Variants in LARGE1 observed in about 807,000 individuals in gnomAD.
LARGE1 encodes the protein LARGE xylosyl- and glucuronyltransferase 1, also known as xylosyl- and glucuronyltransferase LARGE1.
LARGE1 carries 43 observed loss-of-function variants against 87.6 expected under a neutral mutation model. The ratio of observed to expected loss-of-function variants is 0.49; its 90% CI spans 0.38 to 0.63. The LOEUF (loss-of-function observed/expected upper bound fraction) is 0.63, where lower values mean the gene tolerates loss of function less well. Among genes scored for constraint, LARGE1 ranks in the 30% least tolerant of loss-of-function variants. LARGE1 has a pLI of 0.00. For synonymous variants in LARGE1, 434 were observed against 394.6 expected (o/e 1.10, Z -1.18); for missense variants, 802 against 1,000.2 (o/e 0.80, Z 2.67).
At chr22:33,219,465 G>A (rs867880589) in intron 11 of LARGE1, among the ~76,000 whole-genome samples, 87 of 152,252 alleles carry the variant, frequency 5.7e-4, no homozygotes, top group African/African-American at 1.9e-3. Flanking sequence ...CCTGGTGTAC[G>A]CTAAATATTG....
intron 9 of LARGE1, 136 bp downstream of exon 9, chr22:33,381,783 G>A (rs139238817): frequency 7.7e-5 from 92 of 1,192,300 alleles, no homozygotes; most frequent in African/African-American, 6.9e-4. Context: ...AAGATGAAAA[G>A]CATACTCATT....
At chr22:33,217,447 T>C (rs1394753572) in intron 11 of LARGE1, among the ~76,000 whole-genome samples, 2 of 152,196 alleles carry the variant, frequency 1.3e-5, no homozygotes, top group African/African-American at 4.8e-5. Flanking sequence ...AGTTGAGCTA[T>C]GGCAGCACAG....
At chr22:33,681,645 T>C (rs540145826) in intron 2 of LARGE1, among the ~76,000 whole-genome samples, 6 of 152,298 alleles carry the variant, frequency 3.9e-5, no homozygotes, top group African/African-American at 1.4e-4. Context: ...CAATAATCAG[T>C]CTCCCACTCT....
chr22:33,525,762 CT>C (rs1238935395), intron 6 of LARGE1, among the ~76,000 whole-genome samples: 2 of 152,166 alleles, frequency 1.3e-5, no homozygotes, highest in Non-Finnish European at 2.9e-5. Flanking sequence ...TTTCACCTGT[CT>C]GGTTAGCTGG....
chr22:33,457,716 A>C (rs963187991), intron 6 of LARGE1, among the ~76,000 whole-genome samples: 2 of 152,156 alleles, frequency 1.3e-5, no homozygotes, highest in Non-Finnish European at 2.9e-5. Context: ...CACCTGAGGG[A>C]GCCAAAGCCT....
chr22:33,634,703 A>AT (rs56393305), intron 3 of LARGE1, among the ~76,000 whole-genome samples: 2 of 151,712 alleles, frequency 1.3e-5, no homozygotes, highest in Non-Finnish European at 2.9e-5. Flanking sequence ...AATAATAATA[A>AT]AAACCCCTGG....
chr22:33,881,702 A>G (rs2064688830), intron 1 of LARGE1, among the ~76,000 whole-genome samples: 1 of 152,224 alleles, frequency 6.6e-6, no homozygotes, highest in African/African-American at 2.4e-5. Flanking sequence ...TTATTTTGAA[A>G]AAGACCCACC....
At chr22:33,440,418 G>A (rs984806918) in intron 6 of LARGE1, among the ~76,000 whole-genome samples, 1 of 152,126 alleles carries the variant, frequency 6.6e-6, no homozygotes, top group African/African-American at 2.4e-5. Context: ...GCACACAGAG[G>A]AAGTCTGCCA....
exon 12 of LARGE1, chr22:33,166,596 G>A: frequency 2.7e-6 from 1 of 369,148 alleles, no homozygotes; most frequent in Non-Finnish European, 5.4e-6. Context: ...ATCTTACCAC[G>A]GGGATGATGT....
intron 6 of LARGE1, among the ~76,000 whole-genome samples, chr22:33,446,761 C>A (rs1160804926): frequency 6.6e-6 from 1 of 152,182 alleles, no homozygotes; most frequent in Admixed American, 6.5e-5. Flanking sequence ...CTGAAGGGAA[C>A]AGGCGGGCAG....
chr22:33,084,057 G>A, the LARGE1 span, among the ~76,000 whole-genome samples: 4 of 152,080 alleles, frequency 2.6e-5, no homozygotes, highest in Admixed American at 2.6e-4. Context: ...ACATGAGTTT[G>A]CTACTTCACT....
chr22:33,321,658 C>T (rs1052626042), intron 10 of LARGE1, among the ~76,000 whole-genome samples: 8 of 152,002 alleles, frequency 5.3e-5, no homozygotes, highest in South Asian at 2.1e-4. Context: ...GTGTGTGATG[C>T]GTGGGTGTGA....
chr22:33,767,624 C>T (rs1232350258), intron 1 of LARGE1, among the ~76,000 whole-genome samples: 3 of 152,150 alleles, frequency 2.0e-5, no homozygotes, highest in South Asian at 2.1e-4. Flanking sequence ...CGCCAGCTAT[C>T]TCTCATCAGC....
intron 6 of LARGE1, among the ~76,000 whole-genome samples, chr22:33,444,342 A>C (rs1341372560): frequency 6.6e-6 from 1 of 152,194 alleles, no homozygotes; most frequent in Admixed American, 6.5e-5. Context: ...CTATTACCAA[A>C]AATTTCTGGG....
At chr22:33,798,856 C>T (rs761236994) in intron 1 of LARGE1, among the ~76,000 whole-genome samples, 13 of 152,178 alleles carry the variant, frequency 8.5e-5, no homozygotes, top group Non-Finnish European at 8.8e-5. Flanking sequence ...TTCCGTGCTG[C>T]TCTAAAATGG....
chr22:33,483,519 G>C (rs2069425022), intron 6 of LARGE1, among the ~76,000 whole-genome samples: 1 of 152,134 alleles, frequency 6.6e-6, no homozygotes, highest in Non-Finnish European at 1.5e-5. Flanking sequence ...AAAAGAGCAA[G>C]GGCAGTGAAG....
intron 1 of LARGE1, among the ~76,000 whole-genome samples, chr22:33,880,680 A>G (rs1456328238): frequency 1.3e-5 from 2 of 152,198 alleles, no homozygotes; most frequent in East Asian, 1.9e-4. Flanking sequence ...CCTCCCAGCC[A>G]TAAGGGACTG....
At chr22:33,836,528 G>A (rs957741108) in intron 1 of LARGE1, among the ~76,000 whole-genome samples, 2 of 152,020 alleles carry the variant, frequency 1.3e-5, no homozygotes, top group African/African-American at 2.4e-5. Context: ...GACCAGGCCC[G>A]ATCTCACTTA....
In LARGE1 at chr22:33,325,219, T is replaced by C. The variant is rs191910610; in HGVS notation, c.1288-8971A>G. Among the ~76,000 whole-genome samples, 3 of 152,350 alleles carry C rather than the reference T, an allele frequency of 2.0e-5. No homozygotes were observed. In the East Asian group the frequency reaches 5.8e-4, roughly 29 times the overall value. On this transcript the variant is annotated intron_variant, in intron 10 of 14. Transcript: ENST00000397394. ...GAGGACTCAACACATGTATTTCACA[T>C]GGTGGCAGAAACATCCTGTGCTCAC...
Sources: allele counts gnomAD v4.1 joint callset (sites outside exome capture counted in the v4.1 genomes callset), GRCh38; gene constraint gnomAD v4.1.1; transcripts MANE v1.5; gene names NCBI Gene and HGNC (gene_info 2026-07-23, HGNC 2026-07-21).